The following UBOX5 variants were observed in gnomAD, a reference collection of about 807,000 sequenced individuals.
UBOX5 encodes the protein U-box domain containing 5.
Under a neutral mutation model 39.0 loss-of-function variants are expected in UBOX5, and 28 were observed. The observed-to-expected ratio is 0.72, with a 90% CI of 0.53 to 0.98. UBOX5 has a LOEUF of 0.98. Among genes scored for constraint, UBOX5 ranks in the 50% least tolerant of loss-of-function variants. The probability of loss-of-function intolerance (pLI) is 0.00; values close to 1 mark genes in which losing one functional copy is unlikely to be tolerated. For synonymous variants in UBOX5, 283 were observed against 275.5 expected (o/e 1.03, Z -0.27); for missense variants, 585 against 674.4 (o/e 0.87, Z 1.47).
rs2066672248 is a variant in UBOX5 at position 3,155,227 on chromosome 20, C to A, written c.-42+4539G>T. Among the ~76,000 whole-genome samples the A allele has an allele frequency of 2.0e-5, 3 of 151,956 alleles. No homozygotes were observed. In the South Asian group the frequency reaches 6.3e-4, roughly 32 times the overall value. On this transcript the variant is annotated intron_variant, in intron 1 of 4. Transcript: ENST00000217173. ...TGGGTAACATGGTGAAACCCTGTCT[C>A]TACTAAAAATACAAAAAGTAGGCTG...
At chr20:3,126,193 A>C (rs1457536574) in intron 1 of UBOX5, among the ~76,000 whole-genome samples, 2 of 152,266 alleles carry the variant, frequency 1.3e-5, no homozygotes, top group Non-Finnish European at 2.9e-5. Flanking sequence ...GGATGCTGTT[A>C]ATCTATAACC....
At chr20:3,117,202 C>A (rs1282709705) in intron 3 of UBOX5, among the ~76,000 whole-genome samples, 1 of 151,748 alleles carries the variant, frequency 6.6e-6, no homozygotes, top group African/African-American at 2.4e-5. Context: ...CAATACTATT[C>A]AATTGTTCCA....
chr20:3,148,590 G>C (rs1366889976), intron 1 of UBOX5: 9 of 1,614,028 alleles, frequency 5.6e-6, no homozygotes, highest in Admixed American at 1.7e-5. Context: ...ACAATGACTT[G>C]AGCCTGGAGA....
intron 3 of UBOX5, among the ~76,000 whole-genome samples, chr20:3,121,025 C>T (rs985920975): frequency 6.6e-6 from 1 of 152,182 alleles, no homozygotes; most frequent in African/African-American, 2.4e-5. Flanking sequence ...CTCCCAGCAG[C>T]TCTGACCAGA....
intron 1 of UBOX5, among the ~76,000 whole-genome samples, chr20:3,146,359 C>T (rs2066562162): frequency 9.1e-6 from 1 of 109,490 alleles, no homozygotes; most frequent in East Asian, 2.5e-4. Flanking sequence ...AACAAAAAAA[C>T]TGGCTTTAAA....
At chr20:3,128,582 C>A (rs1020928149) in intron 1 of UBOX5, among the ~76,000 whole-genome samples, 5 of 152,132 alleles carry the variant, frequency 3.3e-5, no homozygotes, top group African/African-American at 1.2e-4. Context: ...AAAAACAAAG[C>A]CGGGCGGAGT....
intron 4 of UBOX5, among the ~76,000 whole-genome samples, chr20:3,112,433 A>C (rs1218966410): frequency 2.6e-5 from 4 of 152,036 alleles, no homozygotes; most frequent in Non-Finnish European, 5.9e-5. Flanking sequence ...TGACAGAAAA[A>C]AAAAAAAAAA....
intron 1 of UBOX5, among the ~76,000 whole-genome samples, chr20:3,158,253 G>T (rs958261948): frequency 2.0e-5 from 3 of 151,994 alleles, no homozygotes; most frequent in Non-Finnish European, 2.9e-5. Flanking sequence ...TTACAGGCAT[G>T]AGCCACCGCA....
rs559924276 is a variant in UBOX5 at position 3,158,523 on chromosome 20, G to C, written c.-42+1243C>G. Among the ~76,000 whole-genome samples, 4 of 151,944 alleles carry C rather than the reference G, an allele frequency of 2.6e-5. No individual in the cohort carries two copies. The East Asian group carries it at 5.8e-4, about 22-fold the overall frequency. On this transcript the variant is annotated intron_variant, in intron 1 of 4. Coordinates refer to ENST00000217173, the MANE Select transcript of UBOX5 (RefSeq NM_014948.4). ...GACTCTCGCTCTCTCGCCCAGGCTGGAGTGCAGTGGCGCGATCTCGGCTCA... is the reference window on the plus strand; with the variant it reads ...GACTCTCGCTCTCTCGCCCAGGCTGCAGTGCAGTGGCGCGATCTCGGCTCA...
rs2066727209 is a variant in UBOX5 at position 3,159,778 on chromosome 20, A to C, written c.-54T>G. On this transcript the variant is annotated 5_prime_UTR_variant, in exon 1 of 5. Transcript: ENST00000217173. ...CGCCGCCACTCACCTGATCCTCCCG[A>C]AGGTGGGCGCCGCAACACCAAACCG... is the stretch of plus-strand genomic sequence containing the variant. 1 of 152,362 alleles carries C rather than the reference A, an allele frequency of 6.6e-6. No individual in the cohort carries two copies. Among genetic ancestry groups the C allele is most frequent in the African/African-American group, 2.4e-5 (1 of 41,480 alleles). The allele number at this position is 152,362 out of a possible 1,614,324, so 9.4% of individuals were successfully genotyped here.
chr20:3,156,658 G>A (rs916560940), intron 1 of UBOX5: 5 of 152,264 alleles, frequency 3.3e-5, no homozygotes, highest in African/African-American at 1.2e-4. Context: ...TGAATGATGT[G>A]ATTTCACAGG....
intron 1 of UBOX5, among the ~76,000 whole-genome samples, chr20:3,157,098 CA>C (rs5839988): frequency 0.34 from 51,609 of 150,768 alleles, 13,928 homozygotes; most frequent in African/African-American, 0.75. Flanking sequence ...CTGTCTCTAC[CA>C]AAAAAAAAGG....
chr20:3,123,200 CAA>C, intron 2 of UBOX5, 110 bp downstream of exon 2: 1 of 1,153,452 alleles, frequency 8.7e-7, no homozygotes, highest in Non-Finnish European at 1.3e-6. Context: ...TCTAAAGTAA[CAA>C]GAGCAAAAGT....
intron 1 of UBOX5, among the ~76,000 whole-genome samples, chr20:3,130,958 G>A (rs902097788): frequency 4.6e-5 from 7 of 152,028 alleles, no homozygotes; most frequent in Admixed American, 2.0e-4. Context: ...TGGGCCAGGC[G>A]CAGTGGCTCA....
At chr20:3,122,933 A>T (rs2066350114) in intron 2 of UBOX5, among the ~76,000 whole-genome samples, 1 of 152,160 alleles carries the variant, frequency 6.6e-6, no homozygotes, top group Admixed American at 6.6e-5. Context: ...CCTGCCAAAA[A>T]AAAAAGCAAG....
chr20:3,155,504 C>T (rs1243929520), intron 1 of UBOX5, among the ~76,000 whole-genome samples: 1 of 151,944 alleles, frequency 6.6e-6, no homozygotes, highest in Non-Finnish European at 1.5e-5. Context: ...GCACTCCAGT[C>T]TGGGCAACAG....
In UBOX5 at chr20:3,130,997, C is replaced by A. The variant is rs145068122; in HGVS notation, c.-41-7591G>T. Among the ~76,000 whole-genome samples the A allele has an allele frequency of 1.2e-3, 179 of 151,854 alleles. No individual in the cohort carries two copies. The South Asian group carries it at 0.013, about 11-fold the overall frequency. On this transcript the variant is annotated intron_variant, in intron 1 of 4. Transcript: ENST00000217173. ...CTGTAATCCCAGCACTTTGGGAGGC[C>A]GAGGCGGGCAGATCATAAGGTCAGG...
At chr20:3,139,059 T>C (rs2148611345) in intron 1 of UBOX5, among the ~76,000 whole-genome samples, 1 of 152,342 alleles carries the variant, frequency 6.6e-6, no homozygotes, top group South Asian at 2.1e-4. Flanking sequence ...GGAATATCAA[T>C]GCACTGAGCA....
At chr20:3,119,606 C>G (rs1207594986) in intron 3 of UBOX5, among the ~76,000 whole-genome samples, 2 of 151,902 alleles carry the variant, frequency 1.3e-5, no homozygotes, top group Non-Finnish European at 2.9e-5. Flanking sequence ...GTAATCCTAG[C>G]ACTCTGGGAG....
Sources: allele counts gnomAD v4.1 joint callset (sites outside exome capture counted in the v4.1 genomes callset), GRCh38; gene constraint gnomAD v4.1.1; transcripts MANE v1.5; gene names NCBI Gene and HGNC (gene_info 2026-07-23, HGNC 2026-07-21).